KCNK12: variants seen among roughly 807,000 people sequenced by gnomAD.
KCNK12 encodes the protein potassium channel subfamily K member 12.
In KCNK12, 6 loss-of-function variants were observed where a neutral mutation model predicts 25.3. The ratio of observed to expected loss-of-function variants is 0.24; its 90% confidence interval spans 0.13 to 0.47. The LOEUF (loss-of-function observed/expected upper bound fraction) is 0.47, where lower values mean the gene tolerates loss of function less well. KCNK12 is among the 20% of genes least tolerant of loss of function. The pLI, the probability that KCNK12 is intolerant of heterozygous loss-of-function variation, is 0.99. For synonymous variants in KCNK12, 331 were observed against 311.1 expected, an observed-to-expected ratio of 1.06 and a Z score of -0.67; for missense variants, 444 against 661.7, an observed-to-expected ratio of 0.67 and a Z score of 3.61.
At position 47,520,393 on chromosome 2, in the gene KCNK12, A is replaced by G. The variant is rs1668625462; in HGVS notation, c.*514T>C. The G allele has an allele frequency of 6.6e-6, 1 of 152,370 alleles. No individual in the cohort carries two copies. Among genetic ancestry groups the G allele is most frequent in the Non-Finnish European group, 1.5e-5 (1 of 68,198 alleles). The allele number at this position is 152,370 out of a possible 1,614,324, so 9.4% of individuals were successfully genotyped here. A position where few individuals can be genotyped will look rare whatever the true frequency, so the allele number is the denominator to read the frequency against. The stretch of plus-strand genomic sequence containing the variant: ...TCTCTGTGTGTAGTGGCTGTTCTAT[A>G]TATATACATCGGGAGGCAACATATG... On this transcript the variant is annotated 3_prime_UTR_variant, in exon 2 of 2. Transcript: ENST00000327876. This position sits in a 1 kb window ranked among gnomAD's most constrained non-coding sequence, Gnocchi z 5.0.
Position 47,512,583 on chromosome 2 carries a change from G to C in KCNK12, c.*8324C>G. The C allele has an allele frequency of 1.1e-6, 1 of 897,096 alleles. No individual in the cohort carries two copies. 55.6% of individuals were successfully genotyped at this position (897,096 alleles called of 1,614,324 possible). ...TATAACTTTCTCTGCCCAGATTCCA[G>C]GACTTACAGTGAGAAAGCGCCTTCT... is the stretch of plus-strand genomic sequence containing the variant. On this transcript the variant is annotated 3_prime_UTR_variant, in exon 2 of 2. Coordinates refer to ENST00000327876, the MANE Select transcript of KCNK12 (RefSeq NM_022055.2).
In KCNK12 at chr2:47,515,370, G is replaced by A. The variant is rs968652436; in HGVS notation, c.*5537C>T. ...TAGCGTTCCCTTATTGGAACACTAA[G>A]TCTGTGAGAGTTATTTACATCCTAC... On this transcript the variant is annotated 3_prime_UTR_variant, in exon 2 of 2. Coordinates refer to ENST00000327876, the MANE Select transcript of KCNK12 (RefSeq NM_022055.2). 3.3e-5 allele frequency among the ~76,000 whole-genome samples: 5 copies of A among 152,218 alleles called. No individual in the cohort carries two copies. The highest frequency in any genetic ancestry group is 1.2e-4 in the African/African-American group (5 of 41,446).
In KCNK12 at chr2:47,560,431, G is replaced by A. The variant is rs866959334; in HGVS notation, c.391+9510C>T. 2.6e-5 allele frequency among the ~76,000 whole-genome samples: 4 copies of A among 152,182 alleles called. No homozygotes were observed. The highest frequency in any genetic ancestry group is 4.4e-5 in the Non-Finnish European group (3 of 68,038). ...CCAAATCCCAGAGTCCCCAAACTGT[G>A]CTTCAGCTCTCACTGATGCCTCCTC... is the stretch of plus-strand genomic sequence containing the variant. On this transcript the variant is annotated intron_variant, in intron 1 of 1. Transcript: ENST00000327876. The surrounding 1 kb of genome is among the most constrained non-coding windows in gnomAD (Gnocchi z 4.7).
At chr2:47,536,296 AGCCCCTGTCCTGAC>A in intron 1 of KCNK12, among the ~76,000 whole-genome samples, 1 of 152,206 alleles carries the variant, frequency 6.6e-6, no homozygotes, top group Non-Finnish European at 1.5e-5. Context: ...GTCTTGTGAC[AGCCCCTGTCCTGAC>A]CATTGTCCCA....
In KCNK12 at chr2:47,525,467, C is replaced by G. The variant is rs1453109473; in HGVS notation, c.392-3659G>C. ...GGGTTCTGGGAGAACCCGGCAGTGT[C>G]CCCTGGAGTCCAGAGCTGTGCTGGA... On this transcript the variant is annotated intron_variant, in intron 1 of 1. Transcript: ENST00000327876. This position sits in a 1 kb window ranked among gnomAD's most constrained non-coding sequence, Gnocchi z 4.1. Among the ~76,000 whole-genome samples, 1 of 152,156 alleles carries G rather than the reference C, an allele frequency of 6.6e-6. No homozygotes were observed. The highest frequency in any genetic ancestry group is 6.5e-5 in the Admixed American group (1 of 15,276).
At position 47,514,114 on chromosome 2, in the gene KCNK12, C is replaced by A. The variant is rs909314690; in HGVS notation, c.*6793G>T. ...TCCTGCAGAACTACACACAGTTCCCCCAACAAGGCCCTGCTCTGTTCTTCC... is the reference window on the plus strand; with the variant it reads ...TCCTGCAGAACTACACACAGTTCCCACAACAAGGCCCTGCTCTGTTCTTCC... On this transcript the variant is annotated 3_prime_UTR_variant, in exon 2 of 2. Coordinates refer to ENST00000327876, the MANE Select transcript of KCNK12 (RefSeq NM_022055.2). This position sits in a 1 kb window ranked among gnomAD's most constrained non-coding sequence, Gnocchi z 5.0. 6.6e-6 allele frequency among the ~76,000 whole-genome samples: 1 copy of A among 152,204 alleles called. No homozygotes were observed. Among genetic ancestry groups the A allele is most frequent in the Non-Finnish European group, 1.5e-5 (1 of 68,046 alleles).
Position 47,570,396 on chromosome 2 carries a change from G to A in KCNK12, c.-65C>T. 8.3e-7 allele frequency: 1 copy of A among 1,207,496 alleles called. No homozygotes were observed. Among genetic ancestry groups the A allele is most frequent in the Non-Finnish European group, 1.0e-6 (1 of 973,290 alleles). 74.8% of individuals were successfully genotyped at this position (1,207,496 alleles called of 1,614,324 possible). The stretch of plus-strand genomic sequence containing the variant: ...GCCCGGGCCACGACATCCCCCCGGC[G>A]GGAGCAGGAGCGTGAGGATGGTGGC... On this transcript the variant is annotated 5_prime_UTR_variant, in exon 1 of 2. Coordinates refer to ENST00000327876, the MANE Select transcript of KCNK12 (RefSeq NM_022055.2).
Position 47,528,102 on chromosome 2 carries a change from C to T in KCNK12, c.392-6294G>A, listed in dbSNP as rs140692076. Among the ~76,000 whole-genome samples the T allele has an allele frequency of 6.6e-6, 1 of 152,280 alleles. No individual in the cohort carries two copies. Among genetic ancestry groups the T allele is most frequent in the East Asian group, 1.9e-4 (1 of 5,184 alleles). On this transcript the variant is annotated intron_variant, in intron 1 of 1. Transcript: ENST00000327876. This position sits in a 1 kb window ranked among gnomAD's most constrained non-coding sequence, Gnocchi z 4.5. ...CTGGTTCAGCTTGCATTCAGCATAA[C>T]AACTTAGCTAGGGAGTGCTGCAGGC...
In KCNK12 at chr2:47,521,186, G is replaced by T. The variant is rs778347918; in HGVS notation, c.1014C>A (p.Gly338=). 4.4e-5 allele frequency: 65 copies of T among 1,464,948 alleles called. No homozygotes were observed. The highest frequency in any genetic ancestry group is 5.7e-5 in the Non-Finnish European group (63 of 1,111,568). The allele number at this position is 1,464,948 out of a possible 1,614,324, so 90.7% of individuals were successfully genotyped here. Reference sequence around the variant, plus strand: ...CGGCCAGGCGGCGGCGCAGCCGGGAGCCTGGGGTGATGGCATTGCGCCGGG... The same window carrying T: ...CGGCCAGGCGGCGGCGCAGCCGGGATCCTGGGGTGATGGCATTGCGCCGGG... ...PLARRNAITP[G]SRLRRRLAAL... The change falls in exon 2 of 2, where the codon GGC becomes GGA. Residue 338 remains glycine (G), a synonymous_variant. Coordinates refer to ENST00000327876, the MANE Select transcript of KCNK12 (RefSeq NM_022055.2).
At chr2:47,553,181 A>G (rs1232495129) in intron 1 of KCNK12, among the ~76,000 whole-genome samples, 1 of 152,218 alleles carries the variant, frequency 6.6e-6, no homozygotes, top group Non-Finnish European at 1.5e-5. Flanking sequence ...CTTCAGTCCA[A>G]TGTGACGAAT....
rs1669362784 is a variant in KCNK12, at chr2:47,548,629, G to A, written c.391+21312C>T. Among the ~76,000 whole-genome samples the A allele has an allele frequency of 1.3e-5, 2 of 152,294 alleles. No homozygotes were observed. The highest frequency in any genetic ancestry group is 3.9e-4 in the East Asian group (2 of 5,190). On this transcript the variant is annotated intron_variant, in intron 1 of 1. Coordinates refer to ENST00000327876, the MANE Select transcript of KCNK12 (RefSeq NM_022055.2). The surrounding 1 kb of genome is among the most constrained non-coding windows in gnomAD (Gnocchi z 4.4). ...ACTGACTTTCGCTTCAGGCCACGAG[G>A]GCGTAGCTGAATCCAGACTTCCCTC...
chr2:47,528,606 A>C lies in KCNK12; in HGVS notation c.392-6798T>G, dbSNP rs1668845392. Among the ~76,000 whole-genome samples, 1 of 152,130 alleles carries C rather than the reference A, an allele frequency of 6.6e-6. No individual in the cohort carries two copies. Among genetic ancestry groups the C allele is most frequent in the South Asian group, 2.1e-4 (1 of 4,834 alleles). The stretch of plus-strand genomic sequence containing the variant: ...GAGAATCTCCTCCTCCCCCTCAATC[A>C]CACCCTGCAGAGGCGTGATCTGTCC... On this transcript the variant is annotated intron_variant, in intron 1 of 1. Transcript: ENST00000327876. This position sits in a 1 kb window ranked among gnomAD's most constrained non-coding sequence, Gnocchi z 4.5.
chr2:47,520,993 T>C lies in KCNK12; in HGVS notation c.1207A>G (p.Asn403Asp). Residue 403 changes from asparagine (N) to aspartate (D), a missense_variant, in exon 2 of 2, where the codon AAC (asparagine) becomes GAC (aspartate). Transcript: ENST00000327876. This position sits in a 1 kb window ranked among gnomAD's most constrained non-coding sequence, Gnocchi z 5.0. The stretch of plus-strand genomic sequence containing the variant: ...CCCGAGAAGCCGTTCTGGCGCGTGT[T>C]GACGCACACGCTGCGCGGGTAGCCG... Reference protein sequence around the residue: ...ANGYPRSVCVNTRQNGFSGGV... With the variant: ...ANGYPRSVCVDTRQNGFSGGV... 2.9e-6 allele frequency: 4 copies of C among 1,357,294 alleles called. No individual in the cohort carries two copies. The highest frequency in any genetic ancestry group is 3.2e-5 in the Admixed American group (1 of 30,850). 84.1% of individuals were successfully genotyped at this position (1,357,294 alleles called of 1,614,324 possible).
rs1050905688 is a variant in KCNK12 at position 47,538,393 on chromosome 2, A to T, written c.392-16585T>A. Among the ~76,000 whole-genome samples the T allele has an allele frequency of 6.6e-6, 1 of 152,154 alleles. No individual in the cohort carries two copies. Among genetic ancestry groups the T allele is most frequent in the African/African-American group, 2.4e-5 (1 of 41,430 alleles). On this transcript the variant is annotated intron_variant, in intron 1 of 1. Transcript: ENST00000327876. This position sits in a 1 kb window ranked among gnomAD's most constrained non-coding sequence, Gnocchi z 4.5. ...CCTCGTTAAGGAACGGATGTTTGAT[A>T]AAGGACTAGGGTAAGAGTGTTTCAG... is the stretch of plus-strand genomic sequence containing the variant.
intron 1 of KCNK12, chr2:47,564,689 G>A (rs767809146): frequency 1.7e-5 from 3 of 177,544 alleles, no homozygotes; most frequent in Non-Finnish European, 2.4e-5. Context: ...TGAATGACTT[G>A]TTCTCTTATT....
At chr2:47,536,034 A>G (rs1031313619) in intron 1 of KCNK12, among the ~76,000 whole-genome samples, 9 of 151,886 alleles carry the variant, frequency 5.9e-5, no homozygotes, top group African/African-American at 1.5e-4. Context: ...CCCTCCCTTC[A>G]TATGACCTGG....
intron 1 of KCNK12, among the ~76,000 whole-genome samples, chr2:47,554,774 T>C (rs1453501325): frequency 6.6e-6 from 1 of 152,196 alleles, no homozygotes; most frequent in Non-Finnish European, 1.5e-5. Flanking sequence ...TAGAGAAAGC[T>C]GGGGGATTGG....
rs1297334738 is a variant in KCNK12, at chr2:47,529,684, G to A, written c.392-7876C>T. 6.6e-6 allele frequency among the ~76,000 whole-genome samples: 1 copy of A among 152,186 alleles called. No homozygotes were observed. The highest frequency in any genetic ancestry group is 1.5e-5 in the Non-Finnish European group (1 of 68,046). ...AGAATGGGTAGACCTAAGTCAATCA[G>A]TGCAGAGCATTTTCATGACTACAGA... On this transcript the variant is annotated intron_variant, in intron 1 of 1. Coordinates refer to ENST00000327876, the MANE Select transcript of KCNK12 (RefSeq NM_022055.2). The surrounding 1 kb of genome is among the most constrained non-coding windows in gnomAD (Gnocchi z 4.3).
intron 1 of KCNK12, among the ~76,000 whole-genome samples, chr2:47,526,713 A>T (rs191982633): frequency 5.9e-5 from 9 of 152,350 alleles, no homozygotes; most frequent in Admixed American, 3.3e-4. Flanking sequence ...AGCCTGGGCG[A>T]CAGAGCGAAA....
Sources: allele counts gnomAD v4.1 joint callset (sites outside exome capture counted in the v4.1 genomes callset), GRCh38; gene constraint gnomAD v4.1.1; non-coding constraint Gnocchi (gnomAD v3.1); transcripts MANE v1.5; gene names NCBI Gene and HGNC (gene_info 2026-07-23, HGNC 2026-07-21).